Variants in MDH1B observed in about 807,000 individuals in gnomAD.
The protein encoded by MDH1B is malate dehydrogenase 1B, also known as putative malate dehydrogenase 1B.
Under a neutral mutation model 61.4 loss-of-function variants are expected in MDH1B, and 60 were observed. The ratio of observed to expected loss-of-function variants is 0.98; its 90% CI spans 0.79 to 1.21. The LOEUF (loss-of-function observed/expected upper bound fraction) is 1.21, where lower values mean the gene tolerates loss of function less well. Ranked by LOEUF, MDH1B falls within the 50% of genes most tolerant of loss-of-function variation. The pLI is 0.00. For missense variants in MDH1B, 587 were observed against 632.1 expected, an observed-to-expected ratio of 0.93 and a Z score of 0.76; for synonymous variants, 236 against 218.7, an observed-to-expected ratio of 1.08 and a Z score of -0.70.
intron 11 of MDH1B, 134 bp downstream of exon 11, chr2:206,739,459 G>A: frequency 1.3e-6 from 1 of 784,324 alleles, no homozygotes; most frequent in Non-Finnish European, 2.1e-6. Context: ...AAGCAACCAA[G>A]GCTGGGTCCC....
chr2:206,764,132 C>G (rs569538801), intron 1 of MDH1B, among the ~76,000 whole-genome samples: 1 of 152,108 alleles, frequency 6.6e-6, no homozygotes, highest in Admixed American at 6.5e-5. Flanking sequence ...AACCCCATCT[C>G]TACAAAAATA....
At chr2:206,744,538 A>G (rs1321561376) in intron 9 of MDH1B, among the ~76,000 whole-genome samples, 2 of 152,236 alleles carry the variant, frequency 1.3e-5, no homozygotes, top group African/African-American at 2.4e-5. Context: ...GAAAATACCA[A>G]TAAGAAAAAT....
intron 9 of MDH1B, 81 bp from the exon 10 acceptor site, chr2:206,741,185 A>G: frequency 1.9e-6 from 3 of 1,576,660 alleles, no homozygotes; most frequent in Non-Finnish European, 2.6e-6. Flanking sequence ...TTCTGAGTCA[A>G]TGTTTTTCAA....
intron 7 of MDH1B, among the ~76,000 whole-genome samples, chr2:206,747,044 C>A (rs766167758): frequency 6.6e-6 from 1 of 151,926 alleles, no homozygotes; most frequent in African/African-American, 2.4e-5. Flanking sequence ...AAAGATTGAC[C>A]ATATTTATTA....
chr2:206,751,827 A>G (rs985311783), intron 5 of MDH1B, among the ~76,000 whole-genome samples: 2 of 152,224 alleles, frequency 1.3e-5, no homozygotes, highest in Admixed American at 6.5e-5. Flanking sequence ...CTGTCTAGGA[A>G]TGTTGTATGA....
intron 1 of MDH1B, among the ~76,000 whole-genome samples, chr2:206,762,919 C>T (rs553107187): frequency 6.6e-6 from 1 of 152,282 alleles, no homozygotes; most frequent in Admixed American, 6.5e-5. Flanking sequence ...GGTTTCCATT[C>T]CTTTATCAAC....
chr2:206,744,950 A>AATAT (rs199895755), intron 9 of MDH1B, among the ~76,000 whole-genome samples: 19 of 147,678 alleles, frequency 1.3e-4, no homozygotes, highest in South Asian at 6.5e-4. Flanking sequence ...AAATAAATAA[A>AATAT]ATATATATAT....
At chr2:206,748,251 C>T (rs544056592) in intron 7 of MDH1B, among the ~76,000 whole-genome samples, 2 of 152,088 alleles carry the variant, frequency 1.3e-5, no homozygotes, top group East Asian at 1.9e-4. Context: ...TAGTGGCATG[C>T]GCCTGTGGTC....
Position 206,749,142 on chromosome 2 carries a change from A to C in MDH1B, c.1094T>G (p.Leu365Trp). Residue 365 changes from leucine (L) to tryptophan (W), a missense_variant, in exon 7 of 12, where the codon TTG (leucine) becomes TGG (tryptophan). Transcript: ENST00000374412. Reference protein sequence around the residue: ...KREFVAILKNLTTTGRQFGGI... With the variant: ...KREFVAILKNWTTTGRQFGGI... ...TCCAAATTGTCTTCCTGTGGTGGTC[A>C]AGTTTTTAAGAATTGCCACAAATTC... 6.2e-7 allele frequency: 1 copy of C among 1,614,142 alleles called. No individual in the cohort carries two copies. The highest frequency in any genetic ancestry group is 1.1e-5 in the South Asian group (1 of 91,080).
chr2:206,758,786 A>C (rs1366550752), intron 2 of MDH1B, among the ~76,000 whole-genome samples: 1 of 151,886 alleles, frequency 6.6e-6, no homozygotes, highest in Non-Finnish European at 1.5e-5. Context: ...ACACACAAAA[A>C]AAAAACTAGT....
intron 1 of MDH1B, among the ~76,000 whole-genome samples, 178 bp downstream of exon 1, chr2:206,765,072 T>A (rs1689358411): frequency 1.3e-5 from 2 of 150,268 alleles, no homozygotes; most frequent in Admixed American, 1.3e-4. Flanking sequence ...TTCCCTCCAT[T>A]GCATCCCCAG....
intron 1 of MDH1B, among the ~76,000 whole-genome samples, chr2:206,764,594 T>G (rs531768903): frequency 1.3e-5 from 2 of 152,334 alleles, no homozygotes; most frequent in South Asian, 4.1e-4. Context: ...ACCAGCACTT[T>G]CAATCATTCT....
In MDH1B at chr2:206,745,624, G is replaced by A. The variant is rs1252903310; in HGVS notation, c.1406C>T (p.Ser469Leu). Residue 469 changes from serine to leucine, a missense_variant and splice_region_variant, in exon 9 of 12, where the codon TCA (serine) becomes TTA (leucine). Physicochemically the swap from Ser to Leu is moderately radical, Grantham distance 145. Coordinates refer to ENST00000374412, the MANE Select transcript of MDH1B (RefSeq NM_001039845.3). ...AAACATCACGTCTAAGAGCTTACCT[G>A]ATTGGTATGGCTGAAAATGTATCTT... Reference protein sequence around the residue: ...GDKIHFQPYQSGHKDLVPDEE... With the variant: ...GDKIHFQPYQLGHKDLVPDEE... The A allele has an allele frequency of 6.2e-7, 1 of 1,609,546 alleles. No individual in the cohort carries two copies.
chr2:206,754,071 G>C (rs1161750414), intron 5 of MDH1B, among the ~76,000 whole-genome samples: 1 of 152,140 alleles, frequency 6.6e-6, no homozygotes, highest in African/African-American at 2.4e-5. Flanking sequence ...TAGTGACTGT[G>C]GGGATAAAAT....
chr2:206,763,865 T>G (rs1386471215), intron 1 of MDH1B, among the ~76,000 whole-genome samples: 2 of 149,540 alleles, frequency 1.3e-5, no homozygotes, highest in African/African-American at 5.0e-5. Flanking sequence ...TTAAAATCTC[T>G]CCCTCTGGGA....
At chr2:206,738,678 G>A (rs1337969447) in intron 11 of MDH1B, among the ~76,000 whole-genome samples, 167 bp from the exon 12 acceptor site, 1 of 152,164 alleles carries the variant, frequency 6.6e-6, no homozygotes, top group East Asian at 1.9e-4. Context: ...TGAGATCATA[G>A]TTAGGTATTT....
chr2:206,749,907 G>A (rs1045229971), intron 6 of MDH1B, among the ~76,000 whole-genome samples: 5 of 152,180 alleles, frequency 3.3e-5, no homozygotes, highest in Admixed American at 6.5e-5. Flanking sequence ...CTGGATTCAC[G>A]TTGAGAATTA....
At chr2:206,750,382 GCCTCT>G (rs1688364762) in intron 6 of MDH1B, among the ~76,000 whole-genome samples, 1 of 142,348 alleles carries the variant, frequency 7.0e-6, no homozygotes, top group Non-Finnish European at 1.5e-5. Context: ...AGGCTGCTTA[GCCTCT>G]CTGTAACTCA....
rs748087837 is a variant in MDH1B, at chr2:206,765,251, C to G, written c.21G>C (p.Ala7=). 2 of 1,602,452 alleles carry G rather than the reference C, an allele frequency of 1.2e-6. No individual in the cohort carries two copies. Among genetic ancestry groups the G allele is most frequent in the Non-Finnish European group, 1.7e-6 (2 of 1,176,394 alleles). Reference sequence around the variant, plus strand: ...CGGGCGGACGCGGGGATCACTCACCCGCGATGACGAATTTGGCCATGGTCG... The same window carrying G: ...CGGGCGGACGCGGGGATCACTCACCGGCGATGACGAATTTGGCCATGGTCG... The part of the protein sequence containing the change: MAKFVI[A]GRADCPYYAK... The change falls in exon 1 of 12, where the codon GCG becomes GCC. Residue 7 remains alanine (A), a splice_region_variant and synonymous_variant. Transcript: ENST00000374412.
Sources: gnomAD v4.1 joint callset for allele counts (sites outside exome capture counted in the v4.1 genomes callset) on GRCh38, gnomAD v4.1.1 for gene constraint, MANE v1.5 for transcripts, NCBI Gene and HGNC (gene_info 2026-07-23, HGNC 2026-07-21) for gene names.